ERICH5: variants seen among roughly 807,000 people sequenced by gnomAD.
ERICH5 encodes the protein glutamate rich 5.
Under a neutral mutation model 28.0 loss-of-function variants are expected in ERICH5, and 24 were observed. The observed-to-expected ratio is 0.86, with a 90% CI of 0.62 to 1.21. The LOEUF (loss-of-function observed/expected upper bound fraction) is 1.21. Ranked by LOEUF, ERICH5 falls within the 50% of genes most tolerant of loss-of-function variation. The pLI, the probability that ERICH5 is intolerant of heterozygous loss-of-function variation, is 0.00. For missense variants in ERICH5, 421 were observed against 441.2 expected, an observed-to-expected ratio of 0.95 and a Z score of 0.41; for synonymous variants, 163 against 157.6, an observed-to-expected ratio of 1.03 and a Z score of -0.25.
At chr8:98,074,656 C>G (rs752886280) in intron 1 of ERICH5, among the ~76,000 whole-genome samples, 24 of 151,958 alleles carry the variant, frequency 1.6e-4, no homozygotes, top group South Asian at 4.2e-4. Context: ...GCCTTGGCCT[C>G]CCTGCTATAA....
intron 1 of ERICH5, among the ~76,000 whole-genome samples, chr8:98,080,983 G>A (rs554547680): frequency 1.3e-5 from 2 of 152,192 alleles, no homozygotes; most frequent in East Asian, 1.9e-4. Flanking sequence ...GATTACAGGC[G>A]TGAGCCACTG....
intron 1 of ERICH5, among the ~76,000 whole-genome samples, chr8:98,088,424 A>G (rs1351936444): frequency 2.0e-5 from 3 of 152,132 alleles, no homozygotes; most frequent in Non-Finnish European, 2.9e-5. Context: ...CCAGAAGTAA[A>G]ATGCATGTTT....
chr8:98,089,418 C>T lies in ERICH5; in HGVS notation c.401C>T (p.Ala134Val), dbSNP rs1815341967. 4 of 1,614,076 alleles carry T rather than the reference C, an allele frequency of 2.5e-6. No individual in the cohort carries two copies. Among genetic ancestry groups the T allele is most frequent in the South Asian group, 1.1e-5 (1 of 91,088 alleles). The stretch of plus-strand genomic sequence containing the variant: ...GCAGCAGAAGGAAAGAAGAAAGATG[C>T]AGGAGCAGGGACAGAGGCCGAGTCT... ...APAAEGKKKDAGAGTEAESLK... is the reference protein window; with the variant it reads ...APAAEGKKKDVGAGTEAESLK... Residue 134 changes from alanine (A) to valine (V), a missense_variant, in exon 2 of 3, where the codon GCA becomes GTA. Coordinates refer to ENST00000318528, the MANE Select transcript of ERICH5 (RefSeq NM_173549.3).
At chr8:98,091,240 C>A (rs1448091275) in intron 2 of ERICH5, among the ~76,000 whole-genome samples, 2 of 152,162 alleles carry the variant, frequency 1.3e-5, no homozygotes, top group Admixed American at 6.5e-5. Flanking sequence ...CTGGCCAATT[C>A]TTTCATTTAT....
intron 1 of ERICH5, among the ~76,000 whole-genome samples, chr8:98,085,713 C>T (rs974824578): frequency 2.0e-5 from 3 of 152,192 alleles, no homozygotes; most frequent in African/African-American, 7.2e-5. Flanking sequence ...AATCTAAACT[C>T]TTTAGCACCA....
At chr8:98,070,308 G>A (rs1814889041) in intron 1 of ERICH5, among the ~76,000 whole-genome samples, 1 of 151,974 alleles carries the variant, frequency 6.6e-6, no homozygotes, top group Admixed American at 6.6e-5. Context: ...GAATCAGGAG[G>A]TCAAGCACCA....
chr8:98,091,993 CCCTTCCTT>C (rs377455843), intron 2 of ERICH5, among the ~76,000 whole-genome samples: 2 of 55,022 alleles, frequency 3.6e-5, no homozygotes, highest in African/African-American at 7.0e-5. Flanking sequence ...TCTCTCTCTC[CCCTTCCTT>C]CCTTCCTTCC....
intron 1 of ERICH5, among the ~76,000 whole-genome samples, chr8:98,074,897 G>A (rs746211232): frequency 7.9e-5 from 12 of 152,010 alleles, no homozygotes; most frequent in East Asian, 1.9e-4. Context: ...CACTTCCAGC[G>A]TCCCATCCAG....
intron 2 of ERICH5, among the ~76,000 whole-genome samples, chr8:98,091,233 G>T (rs1374823260): frequency 6.6e-6 from 1 of 152,172 alleles, no homozygotes; most frequent in Non-Finnish European, 1.5e-5. Context: ...ACCATGTCTG[G>T]CCAATTCTTT....
intron 1 of ERICH5, among the ~76,000 whole-genome samples, chr8:98,073,000 A>G (rs963771915): frequency 6.6e-6 from 1 of 152,058 alleles, no homozygotes; most frequent in African/African-American, 2.4e-5. Context: ...GCACCTGTAG[A>G]CTAGATGTTA....
intron 1 of ERICH5, among the ~76,000 whole-genome samples, chr8:98,077,315 C>T (rs548573288): frequency 6.6e-6 from 1 of 152,296 alleles, no homozygotes; most frequent in South Asian, 2.1e-4. Context: ...CAGAGACAGA[C>T]ATCATCTTCC....
Position 98,076,344 on chromosome 8 carries a change from G to A in ERICH5, c.58+11617G>A, listed in dbSNP as rs530748366. 7.9e-5 allele frequency among the ~76,000 whole-genome samples: 12 copies of A among 151,476 alleles called. No individual in the cohort carries two copies. The South Asian group carries it at 8.4e-4, about 11-fold the overall frequency. On this transcript the variant is annotated intron_variant, in intron 1 of 2. Transcript: ENST00000318528. ...GCTGGGATTACAGGCATGAGCCACC[G>A]TGCCCAGCCGTATTAACCTTAATTT... is the stretch of plus-strand genomic sequence containing the variant.
chr8:98,082,924 ATAT>A (rs1011487015), intron 1 of ERICH5, among the ~76,000 whole-genome samples: 7 of 152,220 alleles, frequency 4.6e-5, no homozygotes, highest in African/African-American at 1.7e-4. Context: ...ATGGGTATAA[ATAT>A]TATAGCTATG....
chr8:98,074,205 T>A (rs1365428665), intron 1 of ERICH5, among the ~76,000 whole-genome samples: 1 of 151,908 alleles, frequency 6.6e-6, no homozygotes, highest in African/African-American at 2.4e-5. Context: ...CCTTCCTCAC[T>A]TTTTAAAAAA....
chr8:98,087,664 T>A (rs1815306486), intron 1 of ERICH5, among the ~76,000 whole-genome samples: 1 of 152,042 alleles, frequency 6.6e-6, no homozygotes, highest in Admixed American at 6.6e-5. Flanking sequence ...TCATACTTTA[T>A]ATAAAATTGA....
chr8:98,071,560 C>T (rs978194985), intron 1 of ERICH5, among the ~76,000 whole-genome samples: 31 of 152,084 alleles, frequency 2.0e-4, no homozygotes, highest in African/African-American at 5.6e-4. Context: ...CTCACGGCAG[C>T]TTGGACTCCT....
intron 1 of ERICH5, among the ~76,000 whole-genome samples, chr8:98,088,696 GA>G (rs1359566541): frequency 2.6e-5 from 4 of 152,006 alleles, no homozygotes; most frequent in Admixed American, 6.6e-5. Flanking sequence ...AACAAAAATG[GA>G]AAAAAAATTT....
In ERICH5 at chr8:98,091,895, T is replaced by TCTTC. The variant is rs1563759544; in HGVS notation, c.1013-1323_1013-1322insCCTT. ...TTCTTTCTTTCTTTCTTTCTTTCTT[T>TCTTC]CTTTCCTTTCTTTCTTTCTTTCTTC... On this transcript the variant is annotated intron_variant, in intron 2 of 2. Transcript: ENST00000318528. 5.4e-3 allele frequency among the ~76,000 whole-genome samples: 427 copies of TCTTC among 79,584 alleles called. 17 individuals carry two copies. Among genetic ancestry groups the TCTTC allele is most frequent in the African/African-American group, 0.019 (408 of 21,078 alleles). The allele number at this position is 79,584 out of a possible 152,430, so 52.2% of individuals were successfully genotyped here. A position where few individuals can be genotyped will look rare whatever the true frequency, so the allele number is the denominator to read the frequency against.
chr8:98,065,571 G>A (rs1376450513), intron 1 of ERICH5, among the ~76,000 whole-genome samples: 2 of 152,182 alleles, frequency 1.3e-5, no homozygotes, highest in Non-Finnish European at 2.9e-5. Context: ...AGAAACACGT[G>A]AAACAATTGG....
Sources: allele counts gnomAD v4.1 joint callset (sites outside exome capture counted in the v4.1 genomes callset), GRCh38; gene constraint gnomAD v4.1.1; transcripts MANE v1.5; gene names NCBI Gene and HGNC (gene_info 2026-07-23, HGNC 2026-07-21).